Variants in DYNC1H1 observed in about 807,000 individuals in gnomAD.
The protein encoded by DYNC1H1 is dynein cytoplasmic 1 heavy chain 1, also known as cytoplasmic dynein 1 heavy chain 1.
Under a neutral mutation model 527.1 loss-of-function variants are expected in DYNC1H1, and 51 were observed. The observed-to-expected ratio is 0.10, with a 90% CI of 0.08 to 0.12. The LOEUF (loss-of-function observed/expected upper bound fraction) is 0.12. Ranked by LOEUF, DYNC1H1 falls within the 10% of genes least tolerant of loss-of-function variation. The pLI is 1.00. For missense variants in DYNC1H1, 2,771 were observed against 5,971.8 expected (o/e 0.46, Z 17.66); for synonymous variants, 2,189 against 2,278.8 (o/e 0.96, Z 1.12).
rs188578456 is a variant in DYNC1H1 at position 101,998,082 on chromosome 14, T to A, written c.3804+808T>A. 5.3e-5 allele frequency among the ~76,000 whole-genome samples: 8 copies of A among 152,358 alleles called. No homozygotes were observed. In the East Asian group the frequency reaches 1.3e-3, roughly 26 times the overall value. ...AAATTTTATTTATTTTATTTTTTGC[T>A]CCCTTTGTTATTTTTATTTGTTATT... On this transcript the variant is annotated intron_variant, in intron 16 of 77. Coordinates refer to ENST00000360184, the MANE Select transcript of DYNC1H1 (RefSeq NM_001376.5).
At position 102,010,523 on chromosome 14, in the gene DYNC1H1, T is replaced by A; in HGVS notation, c.6405+64T>A. 3 of 1,583,754 alleles carry A rather than the reference T, an allele frequency of 1.9e-6. No homozygotes were observed. The highest frequency in any genetic ancestry group is 2.6e-6 in the Non-Finnish European group (3 of 1,164,886). ...TTATTTAAATTTACCTTTTTAACAT[T>A]TAAGCCATGACTTGTGAGTTCTTCT... On this transcript the variant is annotated intron_variant, in intron 31 of 77. Transcript: ENST00000360184. The surrounding 1 kb of genome is among the most constrained non-coding windows in gnomAD (Gnocchi z 6.0).
Position 102,041,685 on chromosome 14 carries a change from T to G in DYNC1H1, c.12053T>G (p.Met4018Arg). Residue 4018 changes from methionine to arginine, a missense_variant, in exon 65 of 78, where the codon ATG (methionine) becomes AGG (arginine). Physicochemically the swap from Met to Arg is moderately conservative, Grantham distance 91 (BLOSUM62 -1). Coordinates refer to ENST00000360184, the MANE Select transcript of DYNC1H1 (RefSeq NM_001376.5). This position sits in a 1 kb window ranked among gnomAD's most constrained non-coding sequence, Gnocchi z 4.5. ...FVSTNLGESF[M>R]SIMEQPLDLT... ...TCAACAAACCTTGGGGAGTCTTTCA[T>G]GTCCATCATGGAGCAGCCGCTCGAC... 6.2e-7 allele frequency: 1 copy of G among 1,614,190 alleles called. No homozygotes were observed.
intron 10 of DYNC1H1, among the ~76,000 whole-genome samples, chr14:101,990,739 G>A (rs945128154): frequency 4.6e-5 from 7 of 151,850 alleles, no homozygotes; most frequent in Non-Finnish European, 7.4e-5. Flanking sequence ...GGCCGGGCGC[G>A]GTGGCTCATG....
At chr14:102,043,536 C>G (rs990734900) in intron 69 of DYNC1H1, 5 of 372,726 alleles carry the variant, frequency 1.3e-5, no homozygotes, top group South Asian at 6.6e-5. Flanking sequence ...AAGTGAAGAC[C>G]GAAACTCTTG....
chr14:101,990,387 G>A (rs1053499850), intron 10 of DYNC1H1, among the ~76,000 whole-genome samples: 1 of 152,236 alleles, frequency 6.6e-6, no homozygotes. Flanking sequence ...CCTGTTGTGT[G>A]TTCAATCCCT....
rs1193090330 is a variant in DYNC1H1, at chr14:101,979,559, A to G, written c.518+67A>G. ...ACAAGATAGTATAGAACTCGGTGTA[A>G]AACTTGGGAATTGGGAGGGTAACGC... On this transcript the variant is annotated intron_variant, in intron 3 of 77. Coordinates refer to ENST00000360184, the MANE Select transcript of DYNC1H1 (RefSeq NM_001376.5). The surrounding 1 kb of genome is among the most constrained non-coding windows in gnomAD (Gnocchi z 4.6). 1.2e-6 allele frequency: 2 copies of G among 1,611,020 alleles called. No individual in the cohort carries two copies. The highest frequency in any genetic ancestry group is 1.7e-4 in the Middle Eastern group (1 of 6,046).
rs184857417 is a variant in DYNC1H1, at chr14:102,006,979, C to T, written c.5717-29C>T. ...TATGTTTTCAGTTAGGTAATGGACTCAAGCACTCTGTTGCTTTTCTTTAAA... is the reference window on the plus strand; with the variant it reads ...TATGTTTTCAGTTAGGTAATGGACTTAAGCACTCTGTTGCTTTTCTTTAAA... On this transcript the variant is annotated intron_variant, in intron 27 of 77. Transcript: ENST00000360184. The T allele has an allele frequency of 1.4e-4, 229 of 1,604,396 alleles. 3 individuals are homozygous for T. In the East Asian group the frequency reaches 3.3e-3, roughly 23 times the overall value.
At position 102,018,466 on chromosome 14, in the gene DYNC1H1, G is replaced by T; in HGVS notation, c.8193G>T (p.Val2731=). ...KPLSHRFLRH[V]PVVYVDYPGP... ...CTGTGCACAGGTTCCTGCGCCACGT[G>T]CCTGTCGTGTATGTGGATTACCCGG... Residue 2731 remains valine, a synonymous_variant, in exon 41 of 78, where the codon GTG becomes GTT. Coordinates refer to ENST00000360184, the MANE Select transcript of DYNC1H1 (RefSeq NM_001376.5). This position sits in a 1 kb window ranked among gnomAD's most constrained non-coding sequence, Gnocchi z 5.2. 6.2e-7 allele frequency: 1 copy of T among 1,613,656 alleles called. No individual in the cohort carries two copies. The highest frequency in any genetic ancestry group is 1.1e-5 in the South Asian group (1 of 91,086).
chr14:102,027,130 G>C lies in DYNC1H1; in HGVS notation c.8772-44G>C. 6.3e-7 allele frequency: 1 copy of C among 1,584,972 alleles called. No individual in the cohort carries two copies. The highest frequency in any genetic ancestry group is 8.7e-7 in the Non-Finnish European group (1 of 1,153,618). ...TAGATATGAGTCAAAAGGGGAATGA[G>C]GCATTATAAGCCTTAACATTGATCA... On this transcript the variant is annotated intron_variant, in intron 44 of 77. Transcript: ENST00000360184. The surrounding 1 kb of genome is among the most constrained non-coding windows in gnomAD (Gnocchi z 7.7).
Position 102,042,149 on chromosome 14 carries a change from G to A in DYNC1H1, c.12214+25G>A, listed in dbSNP as rs770311066. ...GGTAAGGATGCTTGAGGGGCTTCAT[G>A]GGCTGGAGCCCTGCAGGATTTGTGG... is the stretch of plus-strand genomic sequence containing the variant. On this transcript the variant is annotated intron_variant, in intron 66 of 77. Coordinates refer to ENST00000360184, the MANE Select transcript of DYNC1H1 (RefSeq NM_001376.5). The surrounding 1 kb of genome is among the most constrained non-coding windows in gnomAD (Gnocchi z 5.7). 4 of 1,613,706 alleles carry A rather than the reference G, an allele frequency of 2.5e-6. No individual in the cohort carries two copies. The highest frequency in any genetic ancestry group is 2.5e-6 in the Non-Finnish European group (3 of 1,179,724).
chr14:102,040,924 C>T (rs1308056754), intron 64 of DYNC1H1: 5 of 555,242 alleles, frequency 9.0e-6, no homozygotes, highest in Non-Finnish European at 1.6e-5. Context: ...CACCACTGCA[C>T]TCCAGCCTGG....
At position 101,965,124 on chromosome 14, in the gene DYNC1H1, C is replaced by T. The variant is rs896452034; in HGVS notation, c.256+177C>T. On this transcript the variant is annotated intron_variant, in intron 1 of 77. Transcript: ENST00000360184. This position sits in a 1 kb window ranked among gnomAD's most constrained non-coding sequence, Gnocchi z 4.1. ...GTCCCGCCGGCCGGGTCCCCAGGGC[C>T]GCAGACGCCCCGCAGAGGCCGGCGC... is the stretch of plus-strand genomic sequence containing the variant. 1.3e-5 allele frequency among the ~76,000 whole-genome samples: 2 copies of T among 151,814 alleles called. No individual in the cohort carries two copies. Among genetic ancestry groups the T allele is most frequent in the Non-Finnish European group, 2.9e-5 (2 of 67,928 alleles).
intron 56 of DYNC1H1, 79 bp downstream of exon 56, chr14:102,034,531 T>C: frequency 6.2e-7 from 1 of 1,605,820 alleles, no homozygotes; most frequent in African/African-American, 1.3e-5. Context: ...TACACCCTTG[T>C]TTGAAGAGAG....
intron 57 of DYNC1H1, chr14:102,037,308 C>T (rs1281618586): frequency 6.6e-6 from 1 of 151,664 alleles, no homozygotes; most frequent in Admixed American, 6.6e-5. Context: ...CCTGTAGTCC[C>T]AGCTACTCGG....
Position 102,001,554 on chromosome 14 carries a change from C to G in DYNC1H1, c.4415C>G (p.Thr1472Ser). The G allele has an allele frequency of 6.2e-7, 1 of 1,614,124 alleles. No individual in the cohort carries two copies. The highest frequency in any genetic ancestry group is 8.5e-7 in the Non-Finnish European group (1 of 1,180,034). The change falls in exon 21 of 78, where the codon ACT becomes AGT. Residue 1472 changes from threonine (T) to serine (S), a missense_variant. Thr to Ser is a moderately conservative substitution (Grantham distance 58). Coordinates refer to ENST00000360184, the MANE Select transcript of DYNC1H1 (RefSeq NM_001376.5). This position sits in a 1 kb window ranked among gnomAD's most constrained non-coding sequence, Gnocchi z 5.0. ...ATTCAGATAAGAGAAGTGTGGAATA[C>G]TTATGAACTAGACTTGGTTAATTAT... ...FLKQIREVWNTYELDLVNYQN... is the reference protein window; with the variant it reads ...FLKQIREVWNSYELDLVNYQN...
Position 102,042,440 on chromosome 14 carries a change from A to G in DYNC1H1, c.12332A>G (p.Lys4111Arg), listed in dbSNP as rs1060499574. ...CCAGGGTGGCTGATGCAGCTGGAGA[A>G]GAAGTTGCATTCCCTGCAGCCGCAT... ...LAPGWLMQLE[K>R]KLHSLQPHAC... The change falls in exon 68 of 78, where the codon AAG becomes AGG. Residue 4111 changes from lysine to arginine, a missense_variant. Physicochemically the swap from Lys to Arg is conservative, Grantham distance 26. Around this residue, in one of 32 missense-constraint regions of DYNC1H1, gnomAD observed 195 missense variants for 428.6 expected, o/e 0.45. Coordinates refer to ENST00000360184, the MANE Select transcript of DYNC1H1 (RefSeq NM_001376.5). This position sits in a 1 kb window ranked among gnomAD's most constrained non-coding sequence, Gnocchi z 5.7. 1 of 1,614,156 alleles carries G rather than the reference A, an allele frequency of 6.2e-7. No individual in the cohort carries two copies. The highest frequency in any genetic ancestry group is 8.5e-7 in the Non-Finnish European group (1 of 1,180,032).
chr14:102,010,240 T>C lies in DYNC1H1; in HGVS notation c.6222-36T>C, dbSNP rs766265402. 4 of 1,613,720 alleles carry C rather than the reference T, an allele frequency of 2.5e-6. No individual in the cohort carries two copies. Among genetic ancestry groups the C allele is most frequent in the Non-Finnish European group, 1.7e-6 (2 of 1,179,978 alleles). ...GACCCTATTATTGCTTAAAGTATAC[T>C]GTTATTAAAGATAGCCTTTTTTTCT... On this transcript the variant is annotated intron_variant, in intron 30 of 77. Transcript: ENST00000360184. This position sits in a 1 kb window ranked among gnomAD's most constrained non-coding sequence, Gnocchi z 6.0.
At position 102,010,700 on chromosome 14, in the gene DYNC1H1, G is replaced by A; in HGVS notation, c.6406-40G>A. The A allele has an allele frequency of 6.2e-7, 1 of 1,609,880 alleles. No homozygotes were observed. Among genetic ancestry groups the A allele is most frequent in the Non-Finnish European group, 8.5e-7 (1 of 1,178,074 alleles). ...TGGGGATGCAGCGGGCAGTACTTGAGCCATGCTGCGCTGCTCACAGCCCAG... is the reference window on the plus strand; with the variant it reads ...TGGGGATGCAGCGGGCAGTACTTGAACCATGCTGCGCTGCTCACAGCCCAG... On this transcript the variant is annotated intron_variant, in intron 31 of 77. Coordinates refer to ENST00000360184, the MANE Select transcript of DYNC1H1 (RefSeq NM_001376.5). This position sits in a 1 kb window ranked among gnomAD's most constrained non-coding sequence, Gnocchi z 6.0.
chr14:102,039,296 G>A lies in DYNC1H1; in HGVS notation c.11460+42G>A, dbSNP rs1315696259. The stretch of plus-strand genomic sequence containing the variant: ...TGCAGAGACTGGCGGGCCCCGCACA[G>A]TAGCTCCTTGGCCGCACAGAGGCTG... On this transcript the variant is annotated intron_variant, in intron 60 of 77. Transcript: ENST00000360184. The surrounding 1 kb of genome is among the most constrained non-coding windows in gnomAD (Gnocchi z 7.0). The A allele has an allele frequency of 1.9e-6, 3 of 1,611,168 alleles. No homozygotes were observed. The highest frequency in any genetic ancestry group is 2.7e-5 in the African/African-American group (2 of 74,872).
Sources: gnomAD v4.1 joint callset for allele counts (sites outside exome capture counted in the v4.1 genomes callset) on GRCh38, gnomAD v4.1.1 for gene constraint, gnomAD v4.1.1 regional missense constraint, Gnocchi (gnomAD v3.1) non-coding constraint, MANE v1.5 for transcripts, NCBI Gene and HGNC (gene_info 2026-07-23, HGNC 2026-07-21) for gene names.